FRAS1: variants seen among roughly 807,000 people sequenced by gnomAD.
FRAS1 encodes Fraser extracellular matrix complex subunit 1, also known as extracellular matrix organizing protein FRAS1.
Under a neutral mutation model 435.2 loss-of-function variants are expected in FRAS1, and 290 were observed. The observed-to-expected ratio is 0.67, with a 90% confidence interval of 0.61 to 0.73. The LOEUF (loss-of-function observed/expected upper bound fraction) is 0.73. Among genes scored for constraint, FRAS1 ranks in the 30% least tolerant of loss-of-function variants. The pLI is 0.00. For missense variants in FRAS1, 4,860 were observed against 5,001.5 expected (o/e 0.97, Z 0.85); for synonymous variants, 1,800 against 1,851.0 (o/e 0.97, Z 0.71).
At chr4:78,233,860 G>A (rs987778813) in intron 2 of FRAS1, among the ~76,000 whole-genome samples, 1 of 152,182 alleles carries the variant, frequency 6.6e-6, no homozygotes, top group African/African-American at 2.4e-5. Context: ...CACTCATCCT[G>A]TTTTCTCATC....
intron 27 of FRAS1, among the ~76,000 whole-genome samples, chr4:78,381,262 T>G (rs762760547): frequency 1.3e-5 from 2 of 152,238 alleles, no homozygotes; most frequent in Non-Finnish European, 1.5e-5. Flanking sequence ...CCATAGACTC[T>G]TCAAATTCCT....
chr4:78,440,750 G>GACT (rs1183466058), intron 40 of FRAS1, among the ~76,000 whole-genome samples: 1 of 152,116 alleles, frequency 6.6e-6, no homozygotes, highest in African/African-American at 2.4e-5. Context: ...ATGCCTATAG[G>GACT]ACACAGTCAC....
Position 78,375,861 on chromosome 4 carries a change from T to G in FRAS1, c.3274T>G (p.Ser1092Ala), listed in dbSNP as rs537280337. 82 of 1,613,886 alleles carry G rather than the reference T, an allele frequency of 5.1e-5. 2 individuals are homozygous for G. The South Asian group carries it at 8.9e-4, about 18-fold the overall frequency. ...TGTTCCTGGCTTTTCTGTCCACACC[T>G]CTAATGAAACATGTTCTGGTAAGTG... ...NCVPGFSVHTSNETCSGKIHT... is the reference protein window; with the variant it reads ...NCVPGFSVHTANETCSGKIHT... Residue 1092 changes from serine to alanine, a missense_variant, in exon 26 of 74, where the codon TCT becomes GCT. Physicochemically the swap from Ser to Ala is moderately conservative, Grantham distance 99. Transcript: ENST00000512123.
Position 78,419,070 on chromosome 4 carries a change from T to TG in FRAS1, c.4540+8dup. ...CCTCTGCATCCAAATCAAGGTAAGA[T>TG]GTGCAGTAAATGATCTTTTGAGTGA... On this transcript the variant is annotated splice_region_variant and intron_variant, in intron 33 of 73. Transcript: ENST00000512123. 1 of 1,456,390 alleles carries TG rather than the reference T, an allele frequency of 6.9e-7. No individual in the cohort carries two copies. Among genetic ancestry groups the TG allele is most frequent in the Non-Finnish European group, 9.4e-7 (1 of 1,067,414 alleles). 90.2% of individuals were successfully genotyped at this position (1,456,390 alleles called of 1,614,324 possible).
chr4:78,408,311 AT>A (rs1733185200), intron 31 of FRAS1, among the ~76,000 whole-genome samples: 1 of 152,156 alleles, frequency 6.6e-6, no homozygotes, highest in Non-Finnish European at 1.5e-5. Flanking sequence ...TATGGATTCC[AT>A]ATCAGTGGAA....
In FRAS1 at chr4:78,314,180, TC is replaced by T. The variant is rs772396932; in HGVS notation, c.1679-1413del. On this transcript the variant is annotated intron_variant, in intron 15 of 73. Coordinates refer to ENST00000512123, the MANE Select transcript of FRAS1 (RefSeq NM_025074.7). ...TCTTATCCTGCATACTTTTCCTGAA[TC>T]ACTCAACTAATTTTTAGTTTCAACA... 5.3e-5 allele frequency among the ~76,000 whole-genome samples: 8 copies of T among 152,156 alleles called. No homozygotes were observed. In the East Asian group the frequency reaches 1.5e-3, roughly 29 times the overall value.
At chr4:78,239,223 T>C (rs1724896444) in intron 3 of FRAS1, among the ~76,000 whole-genome samples, 1 of 152,192 alleles carries the variant, frequency 6.6e-6, no homozygotes, top group Non-Finnish European at 1.5e-5. Context: ...TTTCTCATCT[T>C]GGTAAATGGC....
At chr4:78,495,495 A>C (rs1268908911) in intron 59 of FRAS1, among the ~76,000 whole-genome samples, 4 of 152,138 alleles carry the variant, frequency 2.6e-5, no homozygotes. Context: ...TTTATGACTC[A>C]TAAAAGCCTG....
intron 2 of FRAS1, among the ~76,000 whole-genome samples, chr4:78,158,476 ACT>A (rs1412231445): frequency 1.3e-5 from 2 of 151,876 alleles, no homozygotes; most frequent in Admixed American, 1.3e-4. Flanking sequence ...TCTCGATTTG[ACT>A]CTCAGCTTGA....
intron 58 of FRAS1, among the ~76,000 whole-genome samples, chr4:78,482,910 G>C (rs796557728): frequency 6.6e-6 from 1 of 152,180 alleles, no homozygotes; most frequent in Non-Finnish European, 1.5e-5. Context: ...TACAAGTGGG[G>C]GAAATTATAG....
chr4:78,157,972 G>A (rs1012226274), intron 2 of FRAS1, among the ~76,000 whole-genome samples: 1 of 152,140 alleles, frequency 6.6e-6, no homozygotes, highest in African/African-American at 2.4e-5. Flanking sequence ...TTGAATATAA[G>A]TTGGTTTTGG....
intron 35 of FRAS1, among the ~76,000 whole-genome samples, chr4:78,426,357 GT>G (rs1733997516): frequency 6.6e-6 from 1 of 152,078 alleles, no homozygotes; most frequent in African/African-American, 2.4e-5. Flanking sequence ...CTATTATACA[GT>G]CCCATGGGCC....
chr4:78,446,090 AT>A, intron 42 of FRAS1: 8 of 1,085,444 alleles, frequency 7.4e-6, no homozygotes, highest in Non-Finnish European at 7.8e-6. Flanking sequence ...TATTTATTTA[AT>A]TGTAACATCA....
intron 48 of FRAS1, 146 bp downstream of exon 48, chr4:78,464,291 T>A: frequency 7.3e-7 from 1 of 1,376,624 alleles, no homozygotes; most frequent in South Asian, 1.4e-5. Flanking sequence ...TGTAGCCACC[T>A]TGGCTCTTGC....
intron 66 of FRAS1, 29 bp downstream of exon 66, chr4:78,516,042 T>C: frequency 6.4e-7 from 1 of 1,554,658 alleles, no homozygotes; most frequent in Non-Finnish European, 8.8e-7. Context: ...GTCTGAGGAC[T>C]CTGCATATGG....
At chr4:78,245,003 G>GT (rs964190218) in intron 3 of FRAS1, among the ~76,000 whole-genome samples, 33 of 151,476 alleles carry the variant, frequency 2.2e-4, no homozygotes, top group South Asian at 6.3e-4. Flanking sequence ...AAGATGTAGA[G>GT]TTTTTTTTTC....
At chr4:78,109,500 A>G (rs1742582709) in intron 2 of FRAS1, among the ~76,000 whole-genome samples, 1 of 151,152 alleles carries the variant, frequency 6.6e-6, no homozygotes, top group Non-Finnish European at 1.5e-5. Flanking sequence ...GACAAAAACC[A>G]CATGATTATC....
intron 4 of FRAS1, among the ~76,000 whole-genome samples, chr4:78,248,647 A>G (rs564171485): frequency 6.6e-6 from 1 of 152,306 alleles, no homozygotes; most frequent in South Asian, 2.1e-4. Flanking sequence ...TAATTATAAT[A>G]TGCACTGAAC....
At chr4:78,376,560 C>G (rs1383842100) in intron 26 of FRAS1, among the ~76,000 whole-genome samples, 3 of 152,022 alleles carry the variant, frequency 2.0e-5, no homozygotes, top group Non-Finnish European at 1.5e-5. Context: ...CTAATTATGT[C>G]AAAGTGCAGT....
Sources: gnomAD v4.1 joint callset for allele counts (sites outside exome capture counted in the v4.1 genomes callset) on GRCh38, gnomAD v4.1.1 for gene constraint, MANE v1.5 for transcripts, NCBI Gene and HGNC (gene_info 2026-07-23, HGNC 2026-07-21) for gene names.